HS6ST3: variants seen among roughly 807,000 people sequenced by gnomAD.
HS6ST3 encodes the protein heparan-sulfate 6-O-sulfotransferase 3.
HS6ST3 carries 12 observed loss-of-function variants against 36.7 expected under a neutral mutation model. That is an observed-to-expected ratio of 0.33 (90% CI 0.21 to 0.53). The LOEUF is 0.53. Among genes scored for constraint, HS6ST3 ranks in the 20% least tolerant of loss-of-function variants. The pLI is 0.95. For missense variants in HS6ST3, 584 were observed against 640.9 expected, an observed-to-expected ratio of 0.91 and a Z score of 0.96; for synonymous variants, 240 against 257.5, an observed-to-expected ratio of 0.93 and a Z score of 0.65.
chr13:96,279,611 A>T (rs866712431), intron 1 of HS6ST3, among the ~76,000 whole-genome samples: 77 of 152,140 alleles, frequency 5.1e-4, no homozygotes, highest in African/African-American at 1.8e-3. Context: ...GACCCCAACC[A>T]TGGCCATTCT....
chr13:96,440,922 G>A (rs2055667872), intron 1 of HS6ST3, among the ~76,000 whole-genome samples: 1 of 152,180 alleles, frequency 6.6e-6, no homozygotes, highest in East Asian at 1.9e-4. Context: ...TGGACTGAAT[G>A]TTTCTGTCTC....
chr13:96,104,118 G>A (rs1386268890), intron 1 of HS6ST3, among the ~76,000 whole-genome samples: 1 of 152,000 alleles, frequency 6.6e-6, no homozygotes, highest in Non-Finnish European at 1.5e-5. Flanking sequence ...CTTCATTTAA[G>A]AAAATGAAGA....
intron 1 of HS6ST3, among the ~76,000 whole-genome samples, chr13:96,467,348 G>A (rs1299481002): frequency 6.6e-6 from 1 of 152,158 alleles, no homozygotes; most frequent in East Asian, 1.9e-4. Flanking sequence ...AATCTGTCCT[G>A]AGTCCCGTTT....
intron 1 of HS6ST3, among the ~76,000 whole-genome samples, chr13:96,382,871 T>A (rs1480427009): frequency 6.6e-6 from 1 of 152,226 alleles, no homozygotes; most frequent in Non-Finnish European, 1.5e-5. Flanking sequence ...TATAATTTAA[T>A]TTTTCATTGT....
intron 1 of HS6ST3, among the ~76,000 whole-genome samples, chr13:96,587,861 A>G (rs1308672340): frequency 6.6e-6 from 1 of 152,190 alleles, no homozygotes; most frequent in African/African-American, 2.4e-5. Flanking sequence ...CAATGTAACA[A>G]TATTAATTTT....
At chr13:96,418,322 C>T (rs1320368418) in intron 1 of HS6ST3, among the ~76,000 whole-genome samples, 2 of 152,182 alleles carry the variant, frequency 1.3e-5, no homozygotes, top group Non-Finnish European at 2.9e-5. Context: ...CGCAAAAGTT[C>T]TCTGAATATT....
At chr13:96,521,291 G>A (rs1227143713) in intron 1 of HS6ST3, among the ~76,000 whole-genome samples, 1 of 152,176 alleles carries the variant, frequency 6.6e-6, no homozygotes, top group African/African-American at 2.4e-5. Flanking sequence ...TGTTCATCAG[G>A]GATATTGGTC....
chr13:96,268,088 C>T (rs533941855), intron 1 of HS6ST3, among the ~76,000 whole-genome samples: 3 of 151,884 alleles, frequency 2.0e-5, no homozygotes, highest in Non-Finnish European at 2.9e-5. Context: ...GAGGGCTCTA[C>T]TCTCATGATT....
intron 1 of HS6ST3, among the ~76,000 whole-genome samples, chr13:96,092,050 C>T (rs1401042916): frequency 6.6e-6 from 1 of 152,152 alleles, no homozygotes; most frequent in African/African-American, 2.4e-5. Context: ...ATAATCCCTC[C>T]CTAAGTGGCT....
At chr13:96,451,918 G>T (rs567848047) in intron 1 of HS6ST3, among the ~76,000 whole-genome samples, 2 of 152,078 alleles carry the variant, frequency 1.3e-5, no homozygotes, top group African/African-American at 4.8e-5. Flanking sequence ...TTTGTATAAA[G>T]CTTTATGTGT....
At chr13:96,276,377 T>C (rs555038941) in intron 1 of HS6ST3, among the ~76,000 whole-genome samples, 2 of 152,308 alleles carry the variant, frequency 1.3e-5, no homozygotes, top group African/African-American at 4.8e-5. Flanking sequence ...TCTTTCCTTT[T>C]GACTTTGACC....
intron 1 of HS6ST3, among the ~76,000 whole-genome samples, chr13:96,451,908 T>A (rs777592964): frequency 2.0e-5 from 3 of 152,194 alleles, no homozygotes; most frequent in Non-Finnish European, 2.9e-5. Context: ...TAGTCCTTCA[T>A]TTGTATAAAG....
chr13:96,157,806 C>T (rs1036684272), intron 1 of HS6ST3, among the ~76,000 whole-genome samples: 6 of 152,100 alleles, frequency 3.9e-5, no homozygotes, highest in Admixed American at 6.6e-5. Context: ...AGTGTTATTT[C>T]GAATGCGGAT....
intron 1 of HS6ST3, among the ~76,000 whole-genome samples, chr13:96,688,061 G>C (rs145789070): frequency 0.2 from 16,258 of 81,684 alleles, 1,032 homozygotes; most frequent in Admixed American, 0.34. Flanking sequence ...ACACACACCG[G>C]GGCCTGTCAT....
intron 1 of HS6ST3, among the ~76,000 whole-genome samples, chr13:96,580,183 C>T (rs2056336548): frequency 7.5e-6 from 1 of 133,706 alleles, no homozygotes; most frequent in South Asian, 2.5e-4. Context: ...CTTCCAGGAC[C>T]CCATCCAGAC....
At chr13:96,525,171 AT>A in intron 1 of HS6ST3, among the ~76,000 whole-genome samples, 1 of 152,306 alleles carries the variant, frequency 6.6e-6, no homozygotes, top group African/African-American at 2.4e-5. Context: ...TGGATAAGAA[AT>A]AGACTGACAC....
chr13:96,207,854 G>A (rs984871978), intron 1 of HS6ST3, among the ~76,000 whole-genome samples: 1 of 152,102 alleles, frequency 6.6e-6, no homozygotes, highest in African/African-American at 2.4e-5. Flanking sequence ...GGAAGGGATA[G>A]CATCAAGAAG....
At chr13:96,581,095 A>T (rs2056340266) in intron 1 of HS6ST3, among the ~76,000 whole-genome samples, 2 of 152,202 alleles carry the variant, frequency 1.3e-5, no homozygotes, top group Admixed American at 1.3e-4. Flanking sequence ...TGATTAGTTG[A>T]TAACAGGGAA....
chr13:96,182,076 A>T (rs945507003), intron 1 of HS6ST3, among the ~76,000 whole-genome samples: 5 of 152,352 alleles, frequency 3.3e-5, no homozygotes, highest in Non-Finnish European at 5.9e-5. Context: ...TCATGAAATG[A>T]TGTAACTAGT....
Sources: allele counts gnomAD v4.1 joint callset (sites outside exome capture counted in the v4.1 genomes callset), GRCh38; gene constraint gnomAD v4.1.1; transcripts MANE v1.5; gene names NCBI Gene and HGNC (gene_info 2026-07-23, HGNC 2026-07-21).